RETREG1: variants seen among roughly 807,000 people sequenced by gnomAD.
RETREG1 encodes family with sequence similarity 134 member B.
A neutral mutation model predicts 54.8 loss-of-function variants in RETREG1; 44 were observed. The observed-to-expected ratio is 0.80, with a 90% CI of 0.63 to 1.03. The LOEUF (loss-of-function observed/expected upper bound fraction) is 1.03. Among genes scored for constraint, RETREG1 ranks in the 50% least tolerant of loss-of-function variants. The pLI, the probability that RETREG1 is intolerant of heterozygous loss-of-function variation, is 0.00. For missense variants in RETREG1, 554 were observed against 605.1 expected, an observed-to-expected ratio of 0.92 and a Z score of 0.89; for synonymous variants, 217 against 238.5, an observed-to-expected ratio of 0.91 and a Z score of 0.83.
chr5:16,500,180 T>C (rs1427930783), intron 3 of RETREG1, among the ~76,000 whole-genome samples: 1 of 152,138 alleles, frequency 6.6e-6, no homozygotes, highest in Non-Finnish European at 1.5e-5. Context: ...ACAGAGCCTA[T>C]GGGCTTCTCC....
chr5:16,582,333 C>T (rs1325695543), intron 1 of RETREG1, among the ~76,000 whole-genome samples: 1 of 152,192 alleles, frequency 6.6e-6, no homozygotes, highest in African/African-American at 2.4e-5. Flanking sequence ...GTGATGACCA[C>T]GGCCTATATT....
chr5:16,527,847 TC>T (rs1334919144), intron 3 of RETREG1, among the ~76,000 whole-genome samples: 1 of 123,878 alleles, frequency 8.1e-6, no homozygotes, highest in Admixed American at 1.0e-4. Flanking sequence ...TCTCGCTCCG[TC>T]GCCCAGATTG....
At chr5:16,545,319 T>C (rs968434987) in intron 3 of RETREG1, among the ~76,000 whole-genome samples, 1 of 152,194 alleles carries the variant, frequency 6.6e-6, no homozygotes, top group Admixed American at 6.5e-5. Flanking sequence ...GGGAAAGATA[T>C]GCACTGTTTG....
intron 5 of RETREG1, among the ~76,000 whole-genome samples, chr5:16,479,430 A>G (rs1051937267): frequency 6.6e-6 from 1 of 152,140 alleles, no homozygotes; most frequent in African/African-American, 2.4e-5. Context: ...ATGCCATTTC[A>G]CCATGGGAAA....
chr5:16,600,896 A>T (rs1743034607), intron 1 of RETREG1, among the ~76,000 whole-genome samples: 1 of 152,218 alleles, frequency 6.6e-6, no homozygotes, highest in Non-Finnish European at 1.5e-5. Context: ...AAAAAATCAA[A>T]AATGAGGAAA....
chr5:16,508,738 A>G, intron 3 of RETREG1: 1 of 1,537,020 alleles, frequency 6.5e-7, no homozygotes, highest in Non-Finnish European at 8.8e-7. Flanking sequence ...AACCCAGTAG[A>G]GACGTTCTTT....
At chr5:16,614,153 T>C (rs1450242760) in intron 1 of RETREG1, among the ~76,000 whole-genome samples, 2 of 152,202 alleles carry the variant, frequency 1.3e-5, no homozygotes, top group Non-Finnish European at 2.9e-5. Context: ...ATAAAATGGA[T>C]GGAAGAAAAC....
At chr5:16,596,172 G>C (rs1742890523) in intron 1 of RETREG1, among the ~76,000 whole-genome samples, 1 of 152,184 alleles carries the variant, frequency 6.6e-6, no homozygotes, top group African/African-American at 2.4e-5. Flanking sequence ...GCCTTCTTTT[G>C]AAAGGTTTTA....
At chr5:16,559,359 T>A (rs994705308) in intron 3 of RETREG1, among the ~76,000 whole-genome samples, 47 of 152,190 alleles carry the variant, frequency 3.1e-4, no homozygotes, top group African/African-American at 1.1e-3. Context: ...ACTGACTCTG[T>A]TGAATCTGTG....
rs533927586 is a variant in RETREG1, at chr5:16,562,170, C to T, written c.458+3593G>A. 1.4e-4 allele frequency among the ~76,000 whole-genome samples: 22 copies of T among 152,250 alleles called. No individual in the cohort carries two copies. In the East Asian group the frequency reaches 3.3e-3, roughly 23 times the overall value. ...ATCTCTAGTAAAAATACAAAATTAGCCAGGCGTGGTGGCACATGCTTATAA... is the reference window on the plus strand; with the variant it reads ...ATCTCTAGTAAAAATACAAAATTAGTCAGGCGTGGTGGCACATGCTTATAA... On this transcript the variant is annotated intron_variant, in intron 3 of 8. Transcript: ENST00000306320.
Position 16,593,214 on chromosome 5 carries a change from C to T in RETREG1, c.321-21112G>A, listed in dbSNP as rs1309219716. 2.0e-5 allele frequency among the ~76,000 whole-genome samples: 3 copies of T among 152,128 alleles called. No individual in the cohort carries two copies. Among genetic ancestry groups the T allele is most frequent in the African/African-American group, 7.2e-5 (3 of 41,430 alleles). ...CAGCCTGCTGTTAAATTAGGTCACCCCACTGCTCCCCCGGAGTGATGTGTT... is the reference window on the plus strand; with the variant it reads ...CAGCCTGCTGTTAAATTAGGTCACCTCACTGCTCCCCCGGAGTGATGTGTT... On this transcript the variant is annotated intron_variant, in intron 1 of 8. Transcript: ENST00000306320. The surrounding 1 kb of genome is among the most constrained non-coding windows in gnomAD (Gnocchi z 4.9).
At chr5:16,511,844 G>A (rs1740186470) in intron 3 of RETREG1, among the ~76,000 whole-genome samples, 1 of 152,048 alleles carries the variant, frequency 6.6e-6, no homozygotes, top group Non-Finnish European at 1.5e-5. Flanking sequence ...TGGAGCAAGA[G>A]AGAGTATGAA....
intron 3 of RETREG1, among the ~76,000 whole-genome samples, chr5:16,540,065 A>C (rs1741196200): frequency 6.6e-6 from 1 of 152,216 alleles, no homozygotes; most frequent in Non-Finnish European, 1.5e-5. Context: ...GGGTTTGGCT[A>C]CTGATAGGAA....
chr5:16,496,551 C>T (rs1739466024), intron 3 of RETREG1, among the ~76,000 whole-genome samples: 1 of 152,190 alleles, frequency 6.6e-6, no homozygotes, highest in Non-Finnish European at 1.5e-5. Flanking sequence ...TGCCTACCTG[C>T]AAGAGAGCCT....
intron 1 of RETREG1, among the ~76,000 whole-genome samples, chr5:16,574,938 ACTT>A (rs780878544): frequency 2.0e-5 from 3 of 152,090 alleles, no homozygotes; most frequent in Non-Finnish European, 4.4e-5. Flanking sequence ...AGGAGCCACC[ACTT>A]GCTCTATTTT....
chr5:16,573,393 CA>C (rs1236748282), intron 1 of RETREG1, among the ~76,000 whole-genome samples: 3 of 152,076 alleles, frequency 2.0e-5, no homozygotes, highest in African/African-American at 7.2e-5. Flanking sequence ...GTTGAGCCTT[CA>C]CATGAGATTA....
At chr5:16,518,220 A>G (rs971145333) in intron 3 of RETREG1, among the ~76,000 whole-genome samples, 2 of 147,980 alleles carry the variant, frequency 1.4e-5, no homozygotes, top group African/African-American at 4.9e-5. Context: ...AAATATATTG[A>G]CTATATATTT....
intron 3 of RETREG1, among the ~76,000 whole-genome samples, chr5:16,518,545 G>GA (rs1163293464): frequency 1.3e-5 from 2 of 151,634 alleles, no homozygotes; most frequent in East Asian, 1.9e-4. Flanking sequence ...CTTATGGTAA[G>GA]AAAAAAATAG....
chr5:16,528,341 T>TA (rs1363181468), intron 3 of RETREG1, among the ~76,000 whole-genome samples: 3 of 151,740 alleles, frequency 2.0e-5, no homozygotes, highest in South Asian at 4.2e-4. Flanking sequence ...TTCACATGAG[T>TA]AAAAAAAATA....
Sources: allele counts gnomAD v4.1 joint callset (sites outside exome capture counted in the v4.1 genomes callset), GRCh38; gene constraint gnomAD v4.1.1; non-coding constraint Gnocchi (gnomAD v3.1); transcripts MANE v1.5; gene names NCBI Gene and HGNC (gene_info 2026-07-23, HGNC 2026-07-21).